Variants in ENPP5 observed in about 807,000 individuals in gnomAD.
ENPP5 encodes ectonucleotide pyrophosphatase/phosphodiesterase family member 5.
Under a neutral mutation model 33.7 loss-of-function variants are expected in ENPP5, and 27 were observed. That is an observed-to-expected ratio of 0.80 (90% CI 0.59 to 1.11). ENPP5 has a LOEUF of 1.11. Ranked by LOEUF, ENPP5 falls within the 50% of genes least tolerant of loss-of-function variation. The pLI is 0.00. For synonymous variants in ENPP5, 199 were observed against 200.5 expected (o/e 0.99, Z 0.06); for missense variants, 552 against 579.2 (o/e 0.95, Z 0.48).
intron 4 of ENPP5, among the ~76,000 whole-genome samples, chr6:46,163,265 T>C (rs892784137): frequency 6.6e-6 from 1 of 151,822 alleles, no homozygotes; most frequent in Non-Finnish European, 1.5e-5. Flanking sequence ...GTGCACATTA[T>C]GCAGGTTAGT....
chr6:46,165,514 A>G lies in ENPP5; in HGVS notation c.879T>C (p.Leu293=), dbSNP rs1221393701. The part of the protein sequence containing the change: ...YEALTHAHPN[L]TVYKKEDVPE... ...GAACGTCTTCTTTTTTGTAAACAGT[A>G]AGATTAGGATGAGCGTGAGTTAGTG... The change falls in exon 4 of 5, where the codon CTT becomes CTC. Residue 293 remains leucine (L), a synonymous_variant. Transcript: ENST00000371383. 6 of 1,609,516 alleles carry G rather than the reference A, an allele frequency of 3.7e-6. No individual in the cohort carries two copies. The highest frequency in any genetic ancestry group is 1.1e-5 in the South Asian group (1 of 90,010).
Position 46,165,474 on chromosome 6 carries a change from A to T in ENPP5, c.919T>A (p.Tyr307Asn). 6.2e-7 allele frequency: 1 copy of T among 1,611,916 alleles called. No homozygotes were observed. ...GGTTGAATTCGACTGTTGTATTTGTAATGCCACCTTTCTGGAACGTCTTCT... is the reference window on the plus strand; with the variant it reads ...GGTTGAATTCGACTGTTGTATTTGTTATGCCACCTTTCTGGAACGTCTTCT... ...KKEDVPERWH[Y>N]KYNSRIQPII... Residue 307 changes from tyrosine (Y) to asparagine (N), a missense_variant, in exon 4 of 5, where the codon TAC (tyrosine) becomes AAC (asparagine). Transcript: ENST00000371383.
At position 46,161,179 on chromosome 6, in the gene ENPP5, G is replaced by A. The variant is rs573173945; in HGVS notation, c.*147C>T. Reference sequence around the variant, plus strand: ...TTTTGGTCCGTGTGTGTGTATGTGTGTGTGTGTGTGTGTGTATACCTAAAT... The same window carrying A: ...TTTTGGTCCGTGTGTGTGTATGTGTATGTGTGTGTGTGTGTATACCTAAAT... On this transcript the variant is annotated 3_prime_UTR_variant, in exon 5 of 5. Transcript: ENST00000371383. 4.8e-5 allele frequency: 30 copies of A among 622,570 alleles called. No homozygotes were observed. Among genetic ancestry groups the A allele is most frequent in the Admixed American group, 1.8e-4 (6 of 34,132 alleles). 38.6% of individuals were successfully genotyped at this position (622,570 alleles called of 1,614,324 possible).
chr6:46,165,530 TG>T lies in ENPP5; in HGVS notation c.862del (p.His288ThrfsTer30). 6.2e-7 allele frequency: 1 copy of T among 1,601,862 alleles called. No homozygotes were observed. Among genetic ancestry groups the T allele is most frequent in the Non-Finnish European group, 8.5e-7 (1 of 1,176,252 alleles). On this transcript the variant is annotated frameshift_variant, in exon 4 of 5. Transcript: ENST00000371383. LOFTEE classifies it high-confidence loss of function. ...GTAAACAGTAAGATTAGGATGAGCG[TG>T]AGTTAGTGCTTCATAGACTTCATCA... ...KFDEVYEALT[H>X]AHPNLTVYKK... is the part of the protein sequence containing the mutation.
Position 46,161,577 on chromosome 6 carries a change from C to T in ENPP5, c.1183G>A (p.Val395Ile). 6.2e-7 allele frequency: 1 copy of T among 1,614,060 alleles called. No individual in the cohort carries two copies. The highest frequency in any genetic ancestry group is 8.5e-7 in the Non-Finnish European group (1 of 1,179,962). ...AMPHNGSFWN[V>I]QDLLNSAMPR... is the part of the protein sequence containing the mutation. Reference sequence around the variant, plus strand: ...ATTGCTGAATTGAGCAGATCCTGGACATTCCAGAATGATCCATTGTGTGGC... The same window carrying T: ...ATTGCTGAATTGAGCAGATCCTGGATATTCCAGAATGATCCATTGTGTGGC... The change falls in exon 5 of 5, where the codon GTC becomes ATC. Residue 395 changes from valine to isoleucine, a missense_variant. Physicochemically the swap from Val to Ile is conservative, Grantham distance 29. Transcript: ENST00000371383.
Position 46,159,577 on chromosome 6 carries a change from C to T in ENPP5, c.*1749G>A, listed in dbSNP as rs1764322559. Reference sequence around the variant, plus strand: ...AGCTTTTTAATCTATAGGCCATTTCCAATTATTTGATTCTATTCTATTAAG... The same window carrying T: ...AGCTTTTTAATCTATAGGCCATTTCTAATTATTTGATTCTATTCTATTAAG... On this transcript the variant is annotated 3_prime_UTR_variant, in exon 5 of 5. Coordinates refer to ENST00000371383, the MANE Select transcript of ENPP5 (RefSeq NM_001290072.2). 2 of 145,402 alleles carry T rather than the reference C, an allele frequency of 1.4e-5. No individual in the cohort carries two copies. Among genetic ancestry groups the T allele is most frequent in the African/African-American group, 2.5e-5 (1 of 40,758 alleles). The allele number at this position is 145,402 out of a possible 1,614,324, so 9.0% of individuals were successfully genotyped here. A position where few individuals can be genotyped will look rare whatever the true frequency, so the allele number is the denominator to read the frequency against.
chr6:46,161,167 GTGTGTA>G lies in ENPP5; in HGVS notation c.*153_*158del. ...CAGGTGTAAGTATTTTGGTCCGTGT[GTGTGTA>G]TGTGTGTGTGTGTGTGTGTGTATAC... is the stretch of plus-strand genomic sequence containing the variant. On this transcript the variant is annotated 3_prime_UTR_variant, in exon 5 of 5. Coordinates refer to ENST00000371383, the MANE Select transcript of ENPP5 (RefSeq NM_001290072.2). 1 of 599,808 alleles carries G rather than the reference GTGTGTA, an allele frequency of 1.7e-6. No homozygotes were observed. Among genetic ancestry groups the G allele is most frequent in the Non-Finnish European group, 2.9e-6 (1 of 344,314 alleles). 37.2% of individuals were successfully genotyped at this position (599,808 alleles called of 1,614,324 possible). A position where few individuals can be genotyped will look rare whatever the true frequency, so the allele number is the denominator to read the frequency against.
At chr6:46,163,309 G>A (rs1419312175) in intron 4 of ENPP5, among the ~76,000 whole-genome samples, 1 of 150,640 alleles carries the variant, frequency 6.6e-6, no homozygotes, top group East Asian at 2.0e-4. Context: ...CTGGTGCGCT[G>A]CACCCACTAA....
intron 2 of ENPP5, among the ~76,000 whole-genome samples, chr6:46,169,661 TG>T (rs1251616695): frequency 3.3e-5 from 5 of 152,234 alleles, no homozygotes; most frequent in African/African-American, 1.2e-4. Flanking sequence ...CCCAAAGTGC[TG>T]GGATTACAGG....
chr6:46,170,474 G>T (rs1271648376), intron 1 of ENPP5, among the ~76,000 whole-genome samples: 1 of 151,920 alleles, frequency 6.6e-6, no homozygotes, highest in Non-Finnish European at 1.5e-5. Flanking sequence ...GTACTTTCCA[G>T]TTCTTTCTCC....
At chr6:46,161,815 G>A in intron 4 of ENPP5, 62 bp from the exon 5 acceptor site, 1 of 1,232,848 alleles carries the variant, frequency 8.1e-7, no homozygotes. Flanking sequence ...CATAATTGTT[G>A]TATGGTCAAA....
Position 46,161,383 on chromosome 6 carries a change from TTGAC to T in ENPP5, c.1373_1376del (p.Ser458LysfsTer12), listed in dbSNP as rs1764387671. ...CATGCATATCTTGTAAGGCAGGTAT[TTGAC>T]TGTGAATTAAATGCTTAATGAAAAT... is the stretch of plus-strand genomic sequence containing the variant. On this transcript the variant is annotated frameshift_variant, in exon 5 of 5. Transcript: ENST00000371383. LOFTEE classifies it high-confidence loss of function. 1.9e-6 allele frequency: 3 copies of T among 1,613,848 alleles called. No individual in the cohort carries two copies. Among genetic ancestry groups the T allele is most frequent in the Non-Finnish European group, 2.5e-6 (3 of 1,179,800 alleles).
rs1764611073 is a variant in ENPP5 at position 46,168,088 on chromosome 6, C to T, written c.175G>A (p.Val59Ile). The part of the protein sequence containing the change: ...PHFHYIMKYG[V>I]HVKQVTNVFI... The stretch of plus-strand genomic sequence containing the variant: ...ACATTAGTAACTTGCTTCACGTGAA[C>T]ACCATATTTCATAATATAATGAAAA... The change falls in exon 3 of 5, where the codon GTT (valine) becomes ATT (isoleucine). Residue 59 changes from valine to isoleucine, a missense_variant. Val to Ile is a conservative substitution (Grantham distance 29). Coordinates refer to ENST00000371383, the MANE Select transcript of ENPP5 (RefSeq NM_001290072.2). 4 of 1,613,908 alleles carry T rather than the reference C, an allele frequency of 2.5e-6. No homozygotes were observed. Among genetic ancestry groups the T allele is most frequent in the South Asian group, 2.2e-5 (2 of 91,056 alleles).
In ENPP5 at chr6:46,168,032, A is replaced by G. The variant is rs1764608512; in HGVS notation, c.231T>C (p.Tyr77=). The change falls in exon 3 of 5, where the codon TAT becomes TAC. Residue 77 remains tyrosine (Y), a synonymous_variant. Transcript: ENST00000371383. ...VFITKTYPNH[Y]TLVTGLFAEN... ...CTGCAAAGAGGCCAGTTACCAAAGT[A>G]TAATGGTTAGGGTAGGTTTTTGTAA... 6.2e-7 allele frequency: 1 copy of G among 1,614,072 alleles called. No homozygotes were observed. Among genetic ancestry groups the G allele is most frequent in the Admixed American group, 1.7e-5 (1 of 60,010 alleles).
At chr6:46,163,306 G>A (rs1406882806) in intron 4 of ENPP5, among the ~76,000 whole-genome samples, 42 of 150,368 alleles carry the variant, frequency 2.8e-4, no homozygotes, top group Admixed American at 9.9e-4. Flanking sequence ...ATGCTGGTGC[G>A]CTGCACCCAC....
intron 3 of ENPP5, 83 bp from the exon 4 acceptor site, chr6:46,165,646 G>A (rs543506205): frequency 9.1e-7 from 1 of 1,095,250 alleles, no homozygotes; most frequent in Non-Finnish European, 1.3e-6. Flanking sequence ...CTACGGAGGT[G>A]AAAAACCAGA....
intron 2 of ENPP5, among the ~76,000 whole-genome samples, chr6:46,169,470 G>C (rs1411626784): frequency 6.7e-6 from 1 of 150,150 alleles, no homozygotes; most frequent in African/African-American, 2.5e-5. Context: ...TCAGCTTACT[G>C]CAACTTCCGC....
chr6:46,161,687 G>C lies in ENPP5; in HGVS notation c.1073C>G (p.Ala358Gly). 6.2e-7 allele frequency: 1 copy of C among 1,613,696 alleles called. No individual in the cohort carries two copies. The highest frequency in any genetic ancestry group is 8.5e-7 in the Non-Finnish European group (1 of 1,179,828). The change falls in exon 5 of 5, where the codon GCC becomes GGC. Residue 358 changes from alanine to glycine, a missense_variant. Ala to Gly is a moderately conservative substitution (Grantham distance 60, BLOSUM62 0). Transcript: ENST00000371383. The stretch of plus-strand genomic sequence containing the variant: ...TTCTTTTGAGAAATTCTTTCTGAAG[G>C]CAGGACCATGGGCTAAAAATATTGG... ...MHPIFLAHGP[A>G]FRKNFSKEAM...
intron 4 of ENPP5, among the ~76,000 whole-genome samples, chr6:46,163,188 T>C (rs536877082): frequency 2.0e-4 from 30 of 151,468 alleles, no homozygotes; most frequent in Non-Finnish European, 3.2e-4. Context: ...ATTCAGTAGG[T>C]CTGTTTTGGG....
Sources: allele counts gnomAD v4.1 joint callset (sites outside exome capture counted in the v4.1 genomes callset), GRCh38; gene constraint gnomAD v4.1.1; transcripts MANE v1.5; gene names NCBI Gene and HGNC (gene_info 2026-07-23, HGNC 2026-07-21).